PCDH15: variants seen among roughly 807,000 people sequenced by gnomAD.
PCDH15 encodes protocadherin-15.
Under a neutral mutation model 178.5 loss-of-function variants are expected in PCDH15, and 129 were observed. That is an observed-to-expected ratio of 0.72 (90% CI 0.63 to 0.84). PCDH15 has a LOEUF of 0.84. PCDH15 is among the 40% of genes least tolerant of loss of function. The probability of loss-of-function intolerance (pLI) is 0.00; values close to 1 mark genes in which losing one functional copy is unlikely to be tolerated. For missense variants in PCDH15, 2,230 were observed against 2,099.9 expected, an observed-to-expected ratio of 1.06 and a Z score of -1.21; for synonymous variants, 800 against 732.0, an observed-to-expected ratio of 1.09 and a Z score of -1.50.
chr10:55,023,144 T>C (rs1308469266), intron 2 of PCDH15, among the ~76,000 whole-genome samples: 1 of 152,046 alleles, frequency 6.6e-6, no homozygotes, highest in Admixed American at 6.5e-5. Flanking sequence ...GGTTTCACCA[T>C]GTTAGCCGGG....
At chr10:53,960,642 A>G (rs1201632258) in intron 22 of PCDH15, among the ~76,000 whole-genome samples, 3 of 152,166 alleles carry the variant, frequency 2.0e-5, no homozygotes, top group African/African-American at 7.2e-5. Flanking sequence ...TTGTTTTGGA[A>G]GCTGCAGGTT....
intron 25 of PCDH15, among the ~76,000 whole-genome samples, chr10:53,912,970 G>A (rs2083227353): frequency 6.6e-6 from 1 of 152,088 alleles, no homozygotes; most frequent in Admixed American, 6.6e-5. Flanking sequence ...CAAAAAAAGA[G>A]CCCACATATC....
chr10:54,624,647 C>T (rs574636699), intron 2 of PCDH15, among the ~76,000 whole-genome samples: 68 of 152,256 alleles, frequency 4.5e-4, no homozygotes, highest in African/African-American at 1.4e-3. Flanking sequence ...TAGCAGGAGG[C>T]GAATGGTGAG....
chr10:53,815,925 T>C (rs550343714), intron 35 of PCDH15, among the ~76,000 whole-genome samples: 1 of 152,252 alleles, frequency 6.6e-6, no homozygotes, highest in African/African-American at 2.4e-5. Context: ...TGAATTCAGA[T>C]TGATTAAGAC....
chr10:54,087,825 G>T (rs576868473), intron 16 of PCDH15, among the ~76,000 whole-genome samples: 92 of 152,196 alleles, frequency 6.0e-4, no homozygotes, highest in African/African-American at 1.9e-3. Context: ...TGGCTCATGG[G>T]GGCAGTTTCT....
chr10:54,990,563 T>C (rs1283219591), intron 2 of PCDH15, among the ~76,000 whole-genome samples: 1 of 152,218 alleles, frequency 6.6e-6, no homozygotes, highest in Non-Finnish European at 1.5e-5. Context: ...TTTTTCAAAC[T>C]CTTTTTCAAT....
Position 54,132,955 on chromosome 10 carries a change from G to A in PCDH15, c.1837C>T (p.Pro613Ser), listed in dbSNP as rs149869374. Residue 613 changes from proline to serine, a missense_variant, in exon 15 of 38, where the codon CCT becomes TCT. By Grantham distance (74) the Pro-to-Ser change is moderately conservative. Coordinates refer to ENST00000644397, the MANE Select transcript of PCDH15 (RefSeq NM_001384140.1). ...IEVLPPNNQS[P>S]PRFPQLMYSL... ...TACATCAGCTGTGGGAAGCGAGGAG[G>A]GCTTTGATTATTTGGTGGAAGCACT... 12 of 1,613,926 alleles carry A rather than the reference G, an allele frequency of 7.4e-6. No homozygotes were observed. The African/African-American group carries it at 1.6e-4, about 22-fold the overall frequency.
At chr10:55,102,816 G>A (rs545120385) in intron 2 of PCDH15, among the ~76,000 whole-genome samples, 2 of 146,848 alleles carry the variant, frequency 1.4e-5, no homozygotes, top group South Asian at 4.4e-4. Context: ...ATATTTTTGT[G>A]TTATATATGT....
intron 7 of PCDH15, among the ~76,000 whole-genome samples, chr10:54,318,569 G>A (rs2061415055): frequency 6.6e-6 from 1 of 152,142 alleles, no homozygotes; most frequent in Non-Finnish European, 1.5e-5. Flanking sequence ...TCAGTTTTCT[G>A]TTTCAGGATC....
intron 2 of PCDH15, among the ~76,000 whole-genome samples, chr10:55,112,727 C>A (rs1158661590): frequency 2.0e-5 from 3 of 152,120 alleles, no homozygotes; most frequent in Non-Finnish European, 2.9e-5. Context: ...GCATATCAGG[C>A]ACCTACTTAA....
At chr10:55,426,266 C>T (rs1280268367) in intron 2 of PCDH15, among the ~76,000 whole-genome samples, 1 of 152,184 alleles carries the variant, frequency 6.6e-6, no homozygotes, top group Non-Finnish European at 1.5e-5. Context: ...ACTCAGCCCA[C>T]AGCTCTCAAC....
At chr10:54,163,572 G>A (rs899251272) in intron 13 of PCDH15, among the ~76,000 whole-genome samples, 5 of 152,040 alleles carry the variant, frequency 3.3e-5, no homozygotes, top group African/African-American at 1.2e-4. Context: ...AACTCAAGGT[G>A]AGATTTGGGT....
intron 3 of PCDH15, among the ~76,000 whole-genome samples, chr10:54,385,015 T>C (rs1389573357): frequency 1.3e-5 from 2 of 152,150 alleles, no homozygotes; most frequent in Non-Finnish European, 1.5e-5. Flanking sequence ...AACAACTCCA[T>C]TTATTTCATT....
intron 2 of PCDH15, among the ~76,000 whole-genome samples, chr10:54,529,662 C>T (rs1189948502): frequency 1.3e-5 from 2 of 151,966 alleles, no homozygotes; most frequent in Non-Finnish European, 2.9e-5. Flanking sequence ...TCATTGTTGC[C>T]TTTTTTTGCC....
At position 54,131,096 on chromosome 10, in the gene PCDH15, T is replaced by G. The variant is rs549786212; in HGVS notation, c.1917+1779A>C. 1.1e-4 allele frequency among the ~76,000 whole-genome samples: 16 copies of G among 152,304 alleles called. No individual in the cohort carries two copies. In the South Asian group the frequency reaches 3.3e-3, roughly 32 times the overall value. ...TTTTCAGCCTTTGTACCAGAGAAAT[T>G]TGAAATATGAAAAAGGCCAACTTCT... On this transcript the variant is annotated intron_variant, in intron 15 of 37. Coordinates refer to ENST00000644397, the MANE Select transcript of PCDH15 (RefSeq NM_001384140.1).
At chr10:54,489,161 T>C (rs1264463049) in intron 3 of PCDH15, among the ~76,000 whole-genome samples, 3 of 151,684 alleles carry the variant, frequency 2.0e-5, no homozygotes. Context: ...GTTAATACTT[T>C]CTGTTTATTT....
Position 55,548,723 on chromosome 10 carries a change from G to T in PCDH15, c.-156+78902C>A, listed in dbSNP as rs181207616. ...CCATGAGTACTTTCTGCACAGCAAA[G>T]GAAGTTTTAAGGGTCAGGAGATAAG... On this transcript the variant is annotated intron_variant, in intron 2 of 5. Transcript: ENST00000613346. Among the ~76,000 whole-genome samples, 540 of 152,220 alleles carry T rather than the reference G, an allele frequency of 3.5e-3. 1 individual carries two copies. Among genetic ancestry groups the T allele is most frequent in the Middle Eastern group, 0.031 (9 of 294 alleles).
chr10:55,044,946 A>G (rs1840960506), intron 2 of PCDH15, among the ~76,000 whole-genome samples: 1 of 152,082 alleles, frequency 6.6e-6, no homozygotes, highest in South Asian at 2.1e-4. Context: ...AATATTGCTG[A>G]AGAAGTTCAC....
chr10:54,420,559 T>C (rs1955112612), intron 3 of PCDH15, among the ~76,000 whole-genome samples: 1 of 152,076 alleles, frequency 6.6e-6, no homozygotes, highest in South Asian at 2.1e-4. Flanking sequence ...GTGGTCTAAA[T>C]GAATGGGTGG....
Sources: allele counts gnomAD v4.1 joint callset (sites outside exome capture counted in the v4.1 genomes callset), GRCh38; gene constraint gnomAD v4.1.1; transcripts MANE v1.5; gene names NCBI Gene and HGNC (gene_info 2026-07-23, HGNC 2026-07-21).